USP24: variants seen among roughly 807,000 people sequenced by gnomAD.
USP24 encodes the protein ubiquitin specific peptidase 24.
In USP24, 97 loss-of-function variants were observed where a neutral mutation model predicts 361.6. That is an observed-to-expected ratio of 0.27 (90% confidence interval 0.23 to 0.32). The LOEUF is 0.32. USP24 is among the 10% of genes least tolerant of loss of function. The probability of loss-of-function intolerance (pLI) is 1.00; values close to 1 mark genes in which losing one functional copy is unlikely to be tolerated. For synonymous variants in USP24, 1,098 were observed against 1,124.6 expected (o/e 0.98, Z 0.47); for missense variants, 2,353 against 3,165.6 (o/e 0.74, Z 6.16).
chr1:55,161,506 C>G (rs1648281575), intron 8 of USP24, among the ~76,000 whole-genome samples: 1 of 151,928 alleles, frequency 6.6e-6, no homozygotes, highest in African/African-American at 2.4e-5. Flanking sequence ...CATTTAAAAA[C>G]ACTGCTCCAG....
At position 55,071,865 on chromosome 1, in the gene USP24, A is replaced by G. The variant is rs1201217360; in HGVS notation, c.7749T>C (p.Asn2583=). 3.1e-6 allele frequency: 5 copies of G among 1,613,414 alleles called. No individual in the cohort carries two copies. Among genetic ancestry groups the G allele is most frequent in the Non-Finnish European group, 8.5e-7 (1 of 1,179,764 alleles). ...CATTGGCAGGACTACTCTCCGACCC[A>G]TTACTGCTTCCTGATTGCTCTTTTT... ...LNEKEQSGSS[N]GSESSPANEN... is the part of the protein sequence containing the mutation. Residue 2583 remains asparagine (N), a synonymous_variant, in exon 67 of 68, where the codon AAT becomes AAC. Coordinates refer to ENST00000294383, the MANE Select transcript of USP24 (RefSeq NM_015306.3).
intron 32 of USP24, among the ~76,000 whole-genome samples, chr1:55,126,946 T>G (rs896547236): frequency 6.6e-6 from 1 of 152,192 alleles, no homozygotes; most frequent in African/African-American, 2.4e-5. Flanking sequence ...GTTGACCCCA[T>G]CATTTACCCA....
intron 38 of USP24, among the ~76,000 whole-genome samples, chr1:55,116,164 T>C (rs1463476046): frequency 1.3e-5 from 2 of 152,078 alleles, no homozygotes; most frequent in East Asian, 1.9e-4. Context: ...ACTTAAAGTA[T>C]AATTAAAAAT....
intron 16 of USP24, among the ~76,000 whole-genome samples, chr1:55,148,864 A>T (rs1570545997): frequency 6.6e-6 from 1 of 152,222 alleles, no homozygotes; most frequent in Non-Finnish European, 1.5e-5. Flanking sequence ...GCAACTTCAG[A>T]GGATAGATTA....
intron 32 of USP24, among the ~76,000 whole-genome samples, chr1:55,127,114 T>C (rs1646452985): frequency 6.6e-6 from 1 of 152,058 alleles, no homozygotes; most frequent in Admixed American, 6.6e-5. Context: ...ATGTGCACAA[T>C]GTGCAGGTTA....
intron 36 of USP24, among the ~76,000 whole-genome samples, chr1:55,121,715 G>A (rs962220422): frequency 5.3e-5 from 8 of 152,102 alleles, no homozygotes; most frequent in African/African-American, 1.9e-4. Context: ...TCTTATTTTT[G>A]TGCTCTATAT....
In USP24 at chr1:55,081,462, C is replaced by T. The variant is rs377300042; in HGVS notation, c.6976-38G>A. The T allele has an allele frequency of 1.1e-5, 18 of 1,575,452 alleles. No individual in the cohort carries two copies. The African/African-American group carries it at 1.2e-4, about 11-fold the overall frequency. On this transcript the variant is annotated intron_variant, in intron 58 of 67. Transcript: ENST00000294383. ...AAGATAAAGTGGCTGTTAGTGTTGTCGTCAGAAATAATATGAAGAGGAAGG... is the reference window on the plus strand; with the variant it reads ...AAGATAAAGTGGCTGTTAGTGTTGTTGTCAGAAATAATATGAAGAGGAAGG...
At chr1:55,110,322 AT>A (rs1474130281) in intron 38 of USP24, 76 bp from the exon 39 acceptor site, 4 of 1,238,682 alleles carry the variant, frequency 3.2e-6, no homozygotes, top group African/African-American at 1.5e-5. Flanking sequence ...GTAAGAACAA[AT>A]TCATAAAACA....
At chr1:55,147,841 C>T in intron 17 of USP24, 43 bp from the exon 18 acceptor site, 1 of 1,596,330 alleles carries the variant, frequency 6.3e-7, no homozygotes, top group Non-Finnish European at 8.5e-7. Flanking sequence ...TGAGAATTTG[C>T]AGTTATTTTG....
chr1:55,136,524 G>C (rs1646740175), intron 28 of USP24, among the ~76,000 whole-genome samples: 1 of 152,192 alleles, frequency 6.6e-6, no homozygotes, highest in South Asian at 2.1e-4. Flanking sequence ...GAAACTGTGA[G>C]AGCAGTTAGG....
chr1:55,205,221 T>C (rs748792736), intron 1 of USP24, among the ~76,000 whole-genome samples: 1 of 152,168 alleles, frequency 6.6e-6, no homozygotes, highest in Non-Finnish European at 1.5e-5. Context: ...CACAGAACTT[T>C]TGAGAGTCTT....
intron 12 of USP24, among the ~76,000 whole-genome samples, chr1:55,155,590 G>GGGACCC (rs1203071480): frequency 6.6e-6 from 1 of 152,102 alleles, no homozygotes; most frequent in African/African-American, 2.4e-5. Context: ...GTAATATCTT[G>GGGACCC]GGACCCGGGA....
In USP24 at chr1:55,127,561, A is replaced by T. The variant is rs541240190; in HGVS notation, c.3636-1803T>A. On this transcript the variant is annotated intron_variant, in intron 32 of 67. Coordinates refer to ENST00000294383, the MANE Select transcript of USP24 (RefSeq NM_015306.3). Reference sequence around the variant, plus strand: ...ATGTGTCTTTATAGCAGCATGATTTATAGTCCTTTGGGTATATACCCAGTA... The same window carrying T: ...ATGTGTCTTTATAGCAGCATGATTTTTAGTCCTTTGGGTATATACCCAGTA... 4.4e-3 allele frequency among the ~76,000 whole-genome samples: 672 copies of T among 152,310 alleles called. 2 individuals are homozygous for T. Among genetic ancestry groups the T allele is most frequent in the African/African-American group, 0.016 (650 of 41,554 alleles).
chr1:55,120,315 C>A (rs1646243752), intron 38 of USP24, among the ~76,000 whole-genome samples: 1 of 152,070 alleles, frequency 6.6e-6, no homozygotes, highest in Non-Finnish European at 1.5e-5. Context: ...TGACCGGGCT[C>A]CAATAATTCC....
At chr1:55,104,103 A>G (rs545815661) in intron 41 of USP24, 83 bp from the exon 42 acceptor site, 3 of 1,463,342 alleles carry the variant, frequency 2.1e-6, no homozygotes, top group South Asian at 2.8e-5. Flanking sequence ...AGTTGAAATG[A>G]AAGTAGAAGA....
intron 1 of USP24, among the ~76,000 whole-genome samples, chr1:55,198,323 C>G (rs1356949730): frequency 1.3e-5 from 2 of 152,018 alleles, no homozygotes; most frequent in African/African-American, 4.8e-5. Flanking sequence ...TTCTCTCAAG[C>G]AGTATGTTCT....
chr1:55,135,916 A>G (rs1557615527), intron 28 of USP24, among the ~76,000 whole-genome samples: 1 of 152,210 alleles, frequency 6.6e-6, no homozygotes, highest in Non-Finnish European at 1.5e-5. Context: ...AAATAAACTA[A>G]TTCATGAAGT....
intron 38 of USP24, among the ~76,000 whole-genome samples, chr1:55,115,421 G>A (rs1388258837): frequency 1.8e-4 from 26 of 145,668 alleles, no homozygotes; most frequent in African/African-American, 5.0e-4. Flanking sequence ...GCATGAACCT[G>A]GGAGGCGGAG....
At position 55,097,813 on chromosome 1, in the gene USP24, T is replaced by C. The variant is rs182056234; in HGVS notation, c.5596-96A>G. 4 of 1,503,818 alleles carry C rather than the reference T, an allele frequency of 2.7e-6. No homozygotes were observed. In the East Asian group the frequency reaches 9.2e-5, roughly 34 times the overall value. The allele number at this position is 1,503,818 out of a possible 1,614,324, so 93.2% of individuals were successfully genotyped here. A position where few individuals can be genotyped will look rare whatever the true frequency, so the allele number is the denominator to read the frequency against. On this transcript the variant is annotated intron_variant, in intron 47 of 67. Coordinates refer to ENST00000294383, the MANE Select transcript of USP24 (RefSeq NM_015306.3). ...TTAATGCAAAGGCCTTTCTGATCCA[T>C]GTGAAAACAAGTAATGACACAATCT...
Sources: allele counts gnomAD v4.1 joint callset (sites outside exome capture counted in the v4.1 genomes callset), GRCh38; gene constraint gnomAD v4.1.1; transcripts MANE v1.5; gene names NCBI Gene and HGNC (gene_info 2026-07-23, HGNC 2026-07-21).